The following FOXO1 variants were observed in gnomAD, a reference collection of about 807,000 sequenced individuals.
The protein encoded by FOXO1 is forkhead box O1.
FOXO1 carries 6 observed loss-of-function variants against 44.1 expected under a neutral mutation model. The ratio of observed to expected loss-of-function variants is 0.14; its 90% CI spans 0.07 to 0.27. The LOEUF (loss-of-function observed/expected upper bound fraction) is 0.27. Ranked by LOEUF, FOXO1 falls within the 10% of genes least tolerant of loss-of-function variation. The probability of loss-of-function intolerance (pLI) is 1.00; values close to 1 mark genes in which losing one functional copy is unlikely to be tolerated. For synonymous variants in FOXO1, 380 were observed against 362.7 expected, an observed-to-expected ratio of 1.05 and a Z score of -0.54; for missense variants, 737 against 888.8, an observed-to-expected ratio of 0.83 and a Z score of 2.17.
chr13:40,585,339 G>T (rs1465080846), intron 1 of FOXO1, among the ~76,000 whole-genome samples: 2 of 103,496 alleles, frequency 1.9e-5, no homozygotes, highest in South Asian at 7.2e-4. Context: ...TCCTCTGCGC[G>T]CGCGCACACA....
chr13:40,631,232 C>A (rs530854221), intron 1 of FOXO1, among the ~76,000 whole-genome samples: 27 of 152,014 alleles, frequency 1.8e-4, no homozygotes, highest in Non-Finnish European at 2.6e-4. Context: ...CAAAGCAGAC[C>A]AACAACTAGA....
chr13:40,641,587 C>T (rs544407326), intron 1 of FOXO1, among the ~76,000 whole-genome samples: 1 of 152,032 alleles, frequency 6.6e-6, no homozygotes, highest in South Asian at 2.1e-4. Flanking sequence ...TTAGTATTTC[C>T]AGTTTCAAAT....
At chr13:40,659,040 CTT>C (rs1414610112) in intron 1 of FOXO1, among the ~76,000 whole-genome samples, 33 of 150,614 alleles carry the variant, frequency 2.2e-4, no homozygotes, top group Admixed American at 2.2e-3. Context: ...AAAAGGAAGA[CTT>C]AGGCTGGGCC....
At chr13:40,644,854 G>A (rs2137926742) in intron 1 of FOXO1, among the ~76,000 whole-genome samples, 1 of 152,284 alleles carries the variant, frequency 6.6e-6, no homozygotes. Context: ...TAAGCCAGAA[G>A]TTAAAATTAA....
At chr13:40,656,337 C>T (rs2137939708) in intron 1 of FOXO1, among the ~76,000 whole-genome samples, 1 of 152,196 alleles carries the variant, frequency 6.6e-6, no homozygotes, top group East Asian at 1.9e-4. Flanking sequence ...CTCATAATTG[C>T]CTTAAGTATA....
chr13:40,636,654 T>A (rs764683264), intron 1 of FOXO1, among the ~76,000 whole-genome samples: 1 of 151,780 alleles, frequency 6.6e-6, no homozygotes, highest in Non-Finnish European at 1.5e-5. Flanking sequence ...CCCAAGTAGC[T>A]GAGATTACAG....
chr13:40,585,046 A>G (rs561431784), intron 1 of FOXO1, among the ~76,000 whole-genome samples: 4 of 152,240 alleles, frequency 2.6e-5, no homozygotes, highest in African/African-American at 9.6e-5. Context: ...CAAGTATCTT[A>G]TATGACAGGC....
rs80223071 is a variant in FOXO1, at chr13:40,562,340, C to A, written c.631-1480G>T. ...TAACTAATCATGCCATGTTTATCAT[C>A]CCTAGGCCAACTAGGGAAGAAAAAC... On this transcript the variant is annotated intron_variant, in intron 1 of 2. Coordinates refer to ENST00000379561, the MANE Select transcript of FOXO1 (RefSeq NM_002015.4). Among the ~76,000 whole-genome samples the A allele has an allele frequency of 1.9e-3, 292 of 152,186 alleles. 1 individual carries two copies. Among genetic ancestry groups the A allele is most frequent in the African/African-American group, 6.8e-3 (284 of 41,504 alleles).
chr13:40,627,843 AAAAC>A (rs1440958549), intron 1 of FOXO1, among the ~76,000 whole-genome samples: 74 of 152,108 alleles, frequency 4.9e-4, no homozygotes, highest in African/African-American at 1.6e-3. Flanking sequence ...AAAAAAAAAA[AAAAC>A]AAACAAACAA....
intron 1 of FOXO1, among the ~76,000 whole-genome samples, chr13:40,592,511 C>T (rs1436674244): frequency 1.3e-5 from 2 of 152,204 alleles, no homozygotes; most frequent in Non-Finnish European, 2.9e-5. Context: ...GAAGGGTGCC[C>T]TGATTACTAC....
At chr13:40,577,954 TAA>T (rs1213095446) in intron 1 of FOXO1, among the ~76,000 whole-genome samples, 10 of 152,106 alleles carry the variant, frequency 6.6e-5, no homozygotes, top group Non-Finnish European at 1.5e-4. Flanking sequence ...TACTTCAAAA[TAA>T]AAGAGTTTTA....
intron 1 of FOXO1, among the ~76,000 whole-genome samples, chr13:40,629,739 T>G (rs763090222): frequency 5.1e-4 from 78 of 152,210 alleles, no homozygotes; most frequent in Non-Finnish European, 1.0e-3. Flanking sequence ...CATATGGACA[T>G]AAGACCCATC....
At chr13:40,646,841 G>A (rs1877527261) in intron 1 of FOXO1, among the ~76,000 whole-genome samples, 1 of 152,000 alleles carries the variant, frequency 6.6e-6, no homozygotes, top group Admixed American at 6.6e-5. Context: ...TGATCCACCT[G>A]CCTCAGCCTC....
Position 40,666,157 on chromosome 13 carries a change from CG to C in FOXO1, c.55del (p.Arg19GlyfsTer53). 6.8e-7 allele frequency: 1 copy of C among 1,461,890 alleles called. No homozygotes were observed. The allele number at this position is 1,461,890 out of a possible 1,614,324, so 90.6% of individuals were successfully genotyped here. A position where few individuals can be genotyped will look rare whatever the true frequency, so the allele number is the denominator to read the frequency against. ...CAGCGGCCAGGTGCACGAGCGCGGC[CG>C]GGGCAGCGGCTCGAAGTCCGGGTCG... ...EIDPDFEPLP[R>X]PRSCTWPLPR... On this transcript the variant is annotated frameshift_variant, in exon 1 of 3. Transcript: ENST00000379561. LOFTEE classifies it high-confidence loss of function.
intron 1 of FOXO1, among the ~76,000 whole-genome samples, chr13:40,580,254 A>AAC (rs1389661335): frequency 7.2e-5 from 11 of 152,192 alleles, no homozygotes; most frequent in Admixed American, 6.5e-5. Flanking sequence ...ATGTTTATAC[A>AAC]ACACACACAC....
At chr13:40,576,667 G>T (rs1226859535) in intron 1 of FOXO1, among the ~76,000 whole-genome samples, 1 of 152,108 alleles carries the variant, frequency 6.6e-6, no homozygotes, top group East Asian at 1.9e-4. Context: ...CAGGGTTTTC[G>T]ATTCAAGCTT....
intron 1 of FOXO1, among the ~76,000 whole-genome samples, chr13:40,642,129 G>A (rs1333072200): frequency 1.3e-5 from 2 of 152,156 alleles, no homozygotes; most frequent in Non-Finnish European, 2.9e-5. Flanking sequence ...ATGTTTATGA[G>A]ACTAAAATAA....
At chr13:40,663,893 C>T (rs1878125863) in intron 1 of FOXO1, among the ~76,000 whole-genome samples, 1 of 152,212 alleles carries the variant, frequency 6.6e-6, no homozygotes, top group African/African-American at 2.4e-5. Context: ...GTAAAATAAC[C>T]TTGGTGTTAA....
At chr13:40,650,323 CCT>C (rs1314609905) in intron 1 of FOXO1, among the ~76,000 whole-genome samples, 4 of 152,112 alleles carry the variant, frequency 2.6e-5, no homozygotes, top group African/African-American at 9.7e-5. Flanking sequence ...GTCTTTATGA[CCT>C]GTATCTTGTG....
Sources: allele counts gnomAD v4.1 joint callset (sites outside exome capture counted in the v4.1 genomes callset), GRCh38; gene constraint gnomAD v4.1.1; transcripts MANE v1.5; gene names NCBI Gene and HGNC (gene_info 2026-07-23, HGNC 2026-07-21).